ZNF385B: variants seen among roughly 807,000 people sequenced by gnomAD.
The protein encoded by ZNF385B is zinc finger protein 385B, also known as zinc finger protein 533.
ZNF385B carries 23 observed loss-of-function variants against 39.2 expected under a neutral mutation model. The ratio of observed to expected loss-of-function variants is 0.59; its 90% CI spans 0.42 to 0.83. The LOEUF is 0.83. ZNF385B is among the 40% of genes least tolerant of loss of function. ZNF385B has a pLI of 0.00. For synonymous variants in ZNF385B, 205 were observed against 222.6 expected (o/e 0.92, Z 0.70); for missense variants, 552 against 598.9 (o/e 0.92, Z 0.82).
chr2:179,475,277 A>G (rs963282458), intron 6 of ZNF385B, among the ~76,000 whole-genome samples: 2 of 144,796 alleles, frequency 1.4e-5, no homozygotes, highest in Admixed American at 6.9e-5. Context: ...TTTTGACAGA[A>G]TCTCGCTCTG....
chr2:179,814,292 G>T, intron 1 of ZNF385B: 1 of 234,884 alleles, frequency 4.3e-6, no homozygotes. Context: ...GCTGGCAGGT[G>T]GACCAGGCCA....
chr2:179,589,491 T>C (rs1335004791), intron 3 of ZNF385B, among the ~76,000 whole-genome samples: 3 of 152,152 alleles, frequency 2.0e-5, no homozygotes. Context: ...AGTGGGCTAG[T>C]TGAGAAGTAG....
chr2:179,574,447 A>G (rs1257249908), intron 3 of ZNF385B, among the ~76,000 whole-genome samples: 4 of 152,198 alleles, frequency 2.6e-5, no homozygotes, highest in Non-Finnish European at 5.9e-5. Flanking sequence ...TTTGGCTCTG[A>G]GCAAGATATT....
intron 3 of ZNF385B, among the ~76,000 whole-genome samples, chr2:179,702,091 A>T (rs1699251083): frequency 6.6e-6 from 1 of 152,180 alleles, no homozygotes; most frequent in Non-Finnish European, 1.5e-5. Flanking sequence ...TTGAATTAAG[A>T]TGTATACATA....
intron 1 of ZNF385B, among the ~76,000 whole-genome samples, chr2:179,825,124 C>CT (rs1443063130): frequency 2.6e-5 from 4 of 152,152 alleles, no homozygotes; most frequent in African/African-American, 9.7e-5. Flanking sequence ...TGTTAATACT[C>CT]TCCCCTGGAC....
At chr2:179,571,673 C>G (rs750730394) in intron 3 of ZNF385B, among the ~76,000 whole-genome samples, 2 of 152,188 alleles carry the variant, frequency 1.3e-5, no homozygotes, top group African/African-American at 2.4e-5. Context: ...AAGTTCTATT[C>G]ATATTTTCAC....
At chr2:179,798,852 A>C (rs1705847832) in intron 1 of ZNF385B, among the ~76,000 whole-genome samples, 1 of 152,016 alleles carries the variant, frequency 6.6e-6, no homozygotes, top group Non-Finnish European at 1.5e-5. Context: ...TTGTTTTATA[A>C]TTATTTAAAA....
At chr2:179,735,056 C>T (rs1701652282) in intron 3 of ZNF385B, among the ~76,000 whole-genome samples, 1 of 151,962 alleles carries the variant, frequency 6.6e-6, no homozygotes, top group Admixed American at 6.6e-5. Flanking sequence ...TAAAGAGCTT[C>T]TGCACAGCAA....
intron 3 of ZNF385B, among the ~76,000 whole-genome samples, chr2:179,591,862 G>A (rs900993134): frequency 6.6e-6 from 1 of 152,122 alleles, no homozygotes; most frequent in East Asian, 1.9e-4. Context: ...GGGCCATTCT[G>A]TAAGATCACT....
intron 3 of ZNF385B, among the ~76,000 whole-genome samples, chr2:179,731,042 A>AT (rs1294698506): frequency 6.6e-6 from 1 of 152,206 alleles, no homozygotes; most frequent in Non-Finnish European, 1.5e-5. Flanking sequence ...GAAAATACAC[A>AT]TTTACCTGAC....
At chr2:179,678,416 C>T (rs536656058) in intron 3 of ZNF385B, among the ~76,000 whole-genome samples, 10 of 152,276 alleles carry the variant, frequency 6.6e-5, no homozygotes, top group African/African-American at 2.2e-4. Flanking sequence ...CCATGAAGGA[C>T]TTCTAGGTAC....
intron 3 of ZNF385B, among the ~76,000 whole-genome samples, chr2:179,684,472 T>C (rs888806090): frequency 2.6e-5 from 4 of 152,250 alleles, no homozygotes; most frequent in South Asian, 4.1e-4. Context: ...AAAATATTCA[T>C]GTGCTACCAT....
chr2:179,551,490 A>T (rs536802596), intron 3 of ZNF385B, among the ~76,000 whole-genome samples: 1 of 132,202 alleles, frequency 7.6e-6, no homozygotes, highest in Admixed American at 7.3e-5. Context: ...GATTTGACCT[A>T]GGTTTCACCT....
intron 3 of ZNF385B, among the ~76,000 whole-genome samples, chr2:179,627,586 T>C (rs898695665): frequency 6.6e-6 from 1 of 152,186 alleles, no homozygotes; most frequent in African/African-American, 2.4e-5. Context: ...GGGCTGGAGC[T>C]GGCTGCTCAG....
chr2:179,831,397 T>G (rs952209856), intron 1 of ZNF385B, among the ~76,000 whole-genome samples: 2 of 151,966 alleles, frequency 1.3e-5, no homozygotes, highest in African/African-American at 2.4e-5. Flanking sequence ...TTAACCACAG[T>G]GCTGTATTGC....
chr2:179,682,738 A>G (rs965039760), intron 3 of ZNF385B, among the ~76,000 whole-genome samples: 1 of 152,082 alleles, frequency 6.6e-6, no homozygotes, highest in Non-Finnish European at 1.5e-5. Context: ...TATGTGATAT[A>G]TAAGTACACA....
intron 3 of ZNF385B, among the ~76,000 whole-genome samples, chr2:179,679,229 T>C (rs1448781007): frequency 1.3e-5 from 2 of 152,198 alleles, no homozygotes; most frequent in East Asian, 3.8e-4. Context: ...TTATAGTACC[T>C]TTTTCATGTT....
At chr2:179,593,167 T>C (rs1486198366) in intron 3 of ZNF385B, among the ~76,000 whole-genome samples, 3 of 152,140 alleles carry the variant, frequency 2.0e-5, no homozygotes, top group African/African-American at 7.2e-5. Context: ...AGAAACACTT[T>C]TTTGAAAAAC....
chr2:179,536,730 C>T (rs944337513), intron 4 of ZNF385B, among the ~76,000 whole-genome samples: 1 of 152,120 alleles, frequency 6.6e-6, no homozygotes, highest in Non-Finnish European at 1.5e-5. Flanking sequence ...TTCTCCTTAG[C>T]ACAATGCCAG....
Sources: gnomAD v4.1 joint callset for allele counts (sites outside exome capture counted in the v4.1 genomes callset) on GRCh38, gnomAD v4.1.1 for gene constraint, MANE v1.5 for transcripts, NCBI Gene and HGNC (gene_info 2026-07-23, HGNC 2026-07-21) for gene names.